RCOR3: variants seen among roughly 807,000 people sequenced by gnomAD.
RCOR3 encodes the protein REST corepressor 3.
RCOR3 carries 13 observed loss-of-function variants against 64.1 expected under a neutral mutation model. That is an observed-to-expected ratio of 0.20 (90% CI 0.13 to 0.32). RCOR3 has a LOEUF of 0.32. Ranked by LOEUF, RCOR3 falls within the 10% of genes least tolerant of loss-of-function variation. The pLI is 1.00. For missense variants in RCOR3, 489 were observed against 701.2 expected, an observed-to-expected ratio of 0.70 and a Z score of 3.42; for synonymous variants, 215 against 239.0, an observed-to-expected ratio of 0.90 and a Z score of 0.93.
intron 2 of RCOR3, chr1:211,267,959 T>G: frequency 1.0e-5 from 3 of 291,908 alleles, no homozygotes; most frequent in South Asian, 8.0e-5. Context: ...AAGGGACATT[T>G]AATGAAGATA....
intron 9 of RCOR3, among the ~76,000 whole-genome samples, chr1:211,300,021 A>G (rs1571973892): frequency 6.7e-6 from 1 of 148,942 alleles, no homozygotes; most frequent in Non-Finnish European, 1.5e-5. Context: ...ACACTGTTTA[A>G]TCCTATACAG....
At position 211,299,006 on chromosome 1, in the gene RCOR3, C is replaced by CAA. The variant is rs1229059854; in HGVS notation, c.1017+3263_1017+3264dup. On this transcript the variant is annotated intron_variant, in intron 9 of 11. Transcript: ENST00000419091. ...TGGGTGACAGAGTGAGACTCCGTCT[C>CAA]AAAAAAAAAAAGAAAAGAAAGCCAG... 3.4e-3 allele frequency among the ~76,000 whole-genome samples: 442 copies of CAA among 129,038 alleles called. 3 individuals carry two copies. The highest frequency in any genetic ancestry group is 0.012 in the African/African-American group (413 of 34,714). 84.7% of individuals were successfully genotyped at this position (129,038 alleles called of 152,430 possible). A position where few individuals can be genotyped will look rare whatever the true frequency, so the allele number is the denominator to read the frequency against.
intron 2 of RCOR3, among the ~76,000 whole-genome samples, chr1:211,268,940 A>T (rs1018053374): frequency 6.6e-6 from 1 of 152,174 alleles, no homozygotes; most frequent in African/African-American, 2.4e-5. Context: ...GTAATGATAT[A>T]TGATGCTTCT....
chr1:211,266,021 A>C (rs1695123143), intron 2 of RCOR3, among the ~76,000 whole-genome samples: 1 of 152,154 alleles, frequency 6.6e-6, no homozygotes, highest in Non-Finnish European at 1.5e-5. Context: ...GAATGAATCT[A>C]ACCTCTTATC....
chr1:211,293,771 A>AT (rs1221900376), intron 8 of RCOR3, among the ~76,000 whole-genome samples: 2 of 152,118 alleles, frequency 1.3e-5, no homozygotes, highest in African/African-American at 2.4e-5. Flanking sequence ...ACCATCCTAG[A>AT]TTTTATGCAT....
In RCOR3 at chr1:211,292,357, A is replaced by G. The variant is rs376980395; in HGVS notation, c.939+2961A>G. Among the ~76,000 whole-genome samples, 69 of 152,354 alleles carry G rather than the reference A, an allele frequency of 4.5e-4. 1 individual carries two copies. The East Asian group carries it at 0.01, about 23-fold the overall frequency. On this transcript the variant is annotated intron_variant, in intron 8 of 11. Coordinates refer to ENST00000419091, the MANE Select transcript of RCOR3 (RefSeq NM_001136223.3). The stretch of plus-strand genomic sequence containing the variant: ...GATGCCTAACTTCCAAACCACAGCA[A>G]TCCTCTTTAGAAAACTTCTAAATCA...
chr1:211,313,104 C>T lies in RCOR3; in HGVS notation c.1317+143C>T, dbSNP rs375487186. 131 of 1,527,768 alleles carry T rather than the reference C, an allele frequency of 8.6e-5. No individual in the cohort carries two copies. The highest frequency in any genetic ancestry group is 4.4e-4 in the Middle Eastern group (2 of 4,556). The allele number at this position is 1,527,768 out of a possible 1,614,324, so 94.6% of individuals were successfully genotyped here. ...TACACTTCTTCAGTGGTGCATCTCT[C>T]GTGACTCTTAAGTCATAATGACATG... is the stretch of plus-strand genomic sequence containing the variant. On this transcript the variant is annotated intron_variant, in intron 11 of 11. Coordinates refer to ENST00000419091, the MANE Select transcript of RCOR3 (RefSeq NM_001136223.3). This position sits in a 1 kb window ranked among gnomAD's most constrained non-coding sequence, Gnocchi z 4.7.
chr1:211,269,658 AAGAATT>A (rs1695816016), intron 2 of RCOR3, among the ~76,000 whole-genome samples: 1 of 152,310 alleles, frequency 6.6e-6, no homozygotes, highest in South Asian at 2.1e-4. Flanking sequence ...AAATGCAACT[AAGAATT>A]AGGTAGACCA....
At chr1:211,263,750 T>C (rs1426240395) in intron 2 of RCOR3, among the ~76,000 whole-genome samples, 2 of 152,228 alleles carry the variant, frequency 1.3e-5, no homozygotes, top group East Asian at 1.9e-4. Context: ...GTTTTTCACA[T>C]CAGTATAATT....
intron 7 of RCOR3, among the ~76,000 whole-genome samples, chr1:211,288,610 A>G (rs1698867523): frequency 6.8e-6 from 1 of 148,068 alleles, no homozygotes; most frequent in Admixed American, 6.8e-5. Context: ...TATTTATTTT[A>G]TTTAATCATA....
chr1:211,262,822 G>GTTTT (rs11406987), intron 2 of RCOR3, among the ~76,000 whole-genome samples: 1 of 142,944 alleles, frequency 7.0e-6, no homozygotes, highest in Admixed American at 7.0e-5. Context: ...ATGGCCACTG[G>GTTTT]TTTTTTTTTT....
chr1:211,312,657 G>A lies in RCOR3; in HGVS notation c.1076-63G>A, dbSNP rs1427060250. 2 of 1,106,256 alleles carry A rather than the reference G, an allele frequency of 1.8e-6. No individual in the cohort carries two copies. The highest frequency in any genetic ancestry group is 1.4e-6 in the Non-Finnish European group (1 of 729,490). The allele number at this position is 1,106,256 out of a possible 1,614,324, so 68.5% of individuals were successfully genotyped here. ...CTGGTATCTTTTGTGTGTGCATGAT[G>A]TATAGTACACACAGCTCTCCTTATT... On this transcript the variant is annotated intron_variant, in intron 10 of 11. Transcript: ENST00000419091. This position sits in a 1 kb window ranked among gnomAD's most constrained non-coding sequence, Gnocchi z 5.0.
intron 10 of RCOR3, among the ~76,000 whole-genome samples, chr1:211,311,984 A>G (rs1701530198): frequency 6.6e-6 from 1 of 152,220 alleles, no homozygotes. Context: ...GATGATGAGC[A>G]CAAGTGCTCT....
chr1:211,290,903 G>A (rs1325202318), intron 8 of RCOR3, among the ~76,000 whole-genome samples: 3 of 152,012 alleles, frequency 2.0e-5, no homozygotes, highest in Non-Finnish European at 2.9e-5. Flanking sequence ...GGACTTTAAG[G>A]AAAGGTGGAC....
intron 2 of RCOR3, 87 bp downstream of exon 2, chr1:211,260,251 C>T (rs1558032504): frequency 3.8e-6 from 4 of 1,052,418 alleles, no homozygotes; most frequent in South Asian, 2.6e-5. Flanking sequence ...GGCATGGGGC[C>T]GGGAGGGGAT....
chr1:211,279,047 C>T (rs1327524803), intron 6 of RCOR3, among the ~76,000 whole-genome samples, 191 bp from the exon 7 acceptor site: 4 of 152,008 alleles, frequency 2.6e-5, no homozygotes, highest in Non-Finnish European at 4.4e-5. Context: ...ATTAGCCAGG[C>T]GTGGTGCTGG....
chr1:211,265,674 G>C lies in RCOR3; in HGVS notation c.223+5510G>C, dbSNP rs1695068267. On this transcript the variant is annotated intron_variant, in intron 2 of 11. Transcript: ENST00000419091. ...GCGGAGGTTGGAGTGAGCCGAGATT[G>C]CACCATTGCACTCCAGCCTGGCGAC... 2.6e-5 allele frequency among the ~76,000 whole-genome samples: 4 copies of C among 152,236 alleles called. No individual in the cohort carries two copies. The South Asian group carries it at 8.3e-4, about 32-fold the overall frequency.
intron 2 of RCOR3, 86 bp from the exon 3 acceptor site, chr1:211,271,146 C>T (rs984510877): frequency 4.9e-6 from 6 of 1,213,516 alleles, no homozygotes; most frequent in African/African-American, 3.0e-5. Flanking sequence ...CATGAGCCAC[C>T]GTGCCTGGGC....
chr1:211,302,576 AT>A (rs1267440598), intron 9 of RCOR3: 3 of 152,256 alleles, frequency 2.0e-5, no homozygotes, highest in Admixed American at 1.3e-4. Flanking sequence ...AATAAAGTGT[AT>A]TAAACACGTC....
Sources: gnomAD v4.1 joint callset for allele counts (sites outside exome capture counted in the v4.1 genomes callset) on GRCh38, gnomAD v4.1.1 for gene constraint, Gnocchi (gnomAD v3.1) non-coding constraint, MANE v1.5 for transcripts, NCBI Gene and HGNC (gene_info 2026-07-23, HGNC 2026-07-21) for gene names.